HS6ST3: variants seen among roughly 807,000 people sequenced by gnomAD.
HS6ST3 encodes the protein heparan sulfate 6-O-sulfotransferase 3.
Under a neutral mutation model 36.7 loss-of-function variants are expected in HS6ST3, and 12 were observed. The observed-to-expected ratio is 0.33, with a 90% CI of 0.21 to 0.53. The LOEUF (loss-of-function observed/expected upper bound fraction) is 0.53, where lower values mean the gene tolerates loss of function less well. Among genes scored for constraint, HS6ST3 ranks in the 20% least tolerant of loss-of-function variants. The probability of loss-of-function intolerance (pLI) is 0.95; values close to 1 mark genes in which losing one functional copy is unlikely to be tolerated. For missense variants in HS6ST3, 584 were observed against 640.9 expected, an observed-to-expected ratio of 0.91 and a Z score of 0.96; for synonymous variants, 240 against 257.5, an observed-to-expected ratio of 0.93 and a Z score of 0.65.
chr13:96,118,050 T>A (rs7330415), intron 1 of HS6ST3, among the ~76,000 whole-genome samples: 2,584 of 151,988 alleles, frequency 0.017, 65 homozygotes, highest in African/African-American at 0.06. Flanking sequence ...TTGTATTTTT[T>A]AAGTAGAGAT....
intron 1 of HS6ST3, among the ~76,000 whole-genome samples, chr13:96,339,758 T>C (rs1438442881): frequency 6.6e-6 from 1 of 152,242 alleles, no homozygotes; most frequent in Non-Finnish European, 1.5e-5. Flanking sequence ...TGGGTTACTA[T>C]CTTTATCCCA....
At chr13:96,677,108 T>G (rs1378845199) in intron 1 of HS6ST3, among the ~76,000 whole-genome samples, 1 of 152,126 alleles carries the variant, frequency 6.6e-6, no homozygotes, top group African/African-American at 2.4e-5. Context: ...TTAAGAAAAA[T>G]TAATTGCTTC....
chr13:96,293,553 T>C (rs2054840416), intron 1 of HS6ST3, among the ~76,000 whole-genome samples: 1 of 152,112 alleles, frequency 6.6e-6, no homozygotes, highest in African/African-American at 2.4e-5. Context: ...CACACATATA[T>C]ATACACTCCC....
intron 1 of HS6ST3, among the ~76,000 whole-genome samples, chr13:96,333,121 C>T (rs774772009): frequency 7.2e-5 from 11 of 152,118 alleles, no homozygotes; most frequent in African/African-American, 2.4e-4. Context: ...TATAGCAGTG[C>T]GAATGGACCA....
At chr13:96,382,950 A>G (rs1057500705) in intron 1 of HS6ST3, among the ~76,000 whole-genome samples, 4 of 152,150 alleles carry the variant, frequency 2.6e-5, no homozygotes, top group Non-Finnish European at 5.9e-5. Flanking sequence ...TATGTAAAAT[A>G]TTTTCATTGT....
At chr13:96,524,090 G>A (rs542134023) in intron 1 of HS6ST3, among the ~76,000 whole-genome samples, 6 of 152,178 alleles carry the variant, frequency 3.9e-5, no homozygotes, top group Non-Finnish European at 8.8e-5. Flanking sequence ...CTTTCTGTTT[G>A]TTAGTTTTCC....
intron 1 of HS6ST3, among the ~76,000 whole-genome samples, chr13:96,461,608 G>T (rs1437935776): frequency 6.6e-6 from 1 of 152,170 alleles, no homozygotes. Flanking sequence ...AACACAAAAA[G>T]GTTGAATCTG....
At chr13:96,356,505 T>C (rs889965489) in intron 1 of HS6ST3, among the ~76,000 whole-genome samples, 2 of 152,194 alleles carry the variant, frequency 1.3e-5, no homozygotes, top group Admixed American at 6.5e-5. Context: ...AATCTCCTTG[T>C]ACATTTCCAT....
chr13:96,465,114 G>A (rs1436082696), intron 1 of HS6ST3, among the ~76,000 whole-genome samples: 1 of 152,078 alleles, frequency 6.6e-6, no homozygotes, highest in Non-Finnish European at 1.5e-5. Context: ...CCCATGATTA[G>A]GTTGTAGATG....
At chr13:96,159,279 C>T (rs951005688) in intron 1 of HS6ST3, among the ~76,000 whole-genome samples, 4 of 152,144 alleles carry the variant, frequency 2.6e-5, no homozygotes, top group African/African-American at 7.2e-5. Context: ...GGTACGCCCT[C>T]GTTTTCAACT....
intron 1 of HS6ST3, among the ~76,000 whole-genome samples, chr13:96,237,337 G>A (rs1384865591): frequency 6.6e-6 from 1 of 152,004 alleles, no homozygotes; most frequent in East Asian, 1.9e-4. Context: ...TATTACAATA[G>A]GGAAAATATC....
At chr13:96,812,226 T>C (rs1878330548) in intron 1 of HS6ST3, among the ~76,000 whole-genome samples, 1 of 152,182 alleles carries the variant, frequency 6.6e-6, no homozygotes, top group Non-Finnish European at 1.5e-5. Flanking sequence ...GAAATCTATT[T>C]AAAAATTAAT....
At chr13:96,357,078 T>G (rs1404779469) in intron 1 of HS6ST3, among the ~76,000 whole-genome samples, 1 of 152,234 alleles carries the variant, frequency 6.6e-6, no homozygotes, top group South Asian at 2.1e-4. Flanking sequence ...TTTCCTCACT[T>G]CTCTCAGCCT....
At chr13:96,808,781 A>C (rs1322564341) in intron 1 of HS6ST3, among the ~76,000 whole-genome samples, 1 of 152,224 alleles carries the variant, frequency 6.6e-6, no homozygotes, top group African/African-American at 2.4e-5. Flanking sequence ...CAGATTGCAG[A>C]GAATTTCACA....
intron 1 of HS6ST3, among the ~76,000 whole-genome samples, chr13:96,147,562 G>C (rs991811420): frequency 3.3e-5 from 5 of 152,222 alleles, no homozygotes; most frequent in Admixed American, 3.3e-4. Flanking sequence ...GGCTGCATGG[G>C]TTTTCTCCAA....
intron 1 of HS6ST3, among the ~76,000 whole-genome samples, chr13:96,115,390 T>C (rs1386942874): frequency 6.6e-6 from 1 of 152,076 alleles, no homozygotes; most frequent in Non-Finnish European, 1.5e-5. Flanking sequence ...TCTCTAAGTT[T>C]CCTCCCCTCA....
At chr13:96,509,699 G>T (rs1387257031) in intron 1 of HS6ST3, among the ~76,000 whole-genome samples, 1 of 152,078 alleles carries the variant, frequency 6.6e-6, no homozygotes, top group Non-Finnish European at 1.5e-5. Context: ...TTTCATTGGT[G>T]TATGCGACTA....
chr13:96,830,997 G>T lies in HS6ST3; in HGVS notation c.708-1493G>T, dbSNP rs552846456. 7.2e-5 allele frequency among the ~76,000 whole-genome samples: 11 copies of T among 152,326 alleles called. No homozygotes were observed. In the South Asian group the frequency reaches 2.3e-3, roughly 32 times the overall value. ...CTTTCTATGGCTTCCCTGACAAATG[G>T]ACTTCCAGACTCTGCTGGAAAGATG... On this transcript the variant is annotated intron_variant, in intron 1 of 1. Transcript: ENST00000376705.
rs58350530 is a variant in HS6ST3 at position 96,197,051 on chromosome 13, T to C, written c.707+105482T>C. On this transcript the variant is annotated intron_variant, in intron 1 of 1. Transcript: ENST00000376705. ...ATGTGATTCACAGAGGACTGGCTCA[T>C]TGTCAATGACATGACAAGTGATTGA... Among the ~76,000 whole-genome samples the C allele has an allele frequency of 9.8e-5, 15 of 152,354 alleles. No homozygotes were observed. In the East Asian group the frequency reaches 2.5e-3, roughly 25 times the overall value.
Sources: gnomAD v4.1 joint callset for allele counts (sites outside exome capture counted in the v4.1 genomes callset) on GRCh38, gnomAD v4.1.1 for gene constraint, MANE v1.5 for transcripts, NCBI Gene and HGNC (gene_info 2026-07-23, HGNC 2026-07-21) for gene names.